The following PARD3B variants were observed in gnomAD, a reference collection of about 807,000 sequenced individuals.
PARD3B encodes the protein par-3 family cell polarity regulator beta.
A neutral mutation model predicts 130.2 loss-of-function variants in PARD3B; 103 were observed. The observed-to-expected ratio is 0.79, with a 90% confidence interval of 0.67 to 0.93. The LOEUF (loss-of-function observed/expected upper bound fraction) is 0.93, where lower values mean the gene tolerates loss of function less well. Ranked by LOEUF, PARD3B falls within the 40% of genes least tolerant of loss-of-function variation. The pLI, the probability that PARD3B is intolerant of heterozygous loss-of-function variation, is 0.00. For synonymous variants in PARD3B, 583 were observed against 553.2 expected, an observed-to-expected ratio of 1.05 and a Z score of -0.76; for missense variants, 1,609 against 1,499.2, an observed-to-expected ratio of 1.07 and a Z score of -1.21.
intron 18 of PARD3B, among the ~76,000 whole-genome samples, chr2:205,330,993 G>T: frequency 6.6e-6 from 1 of 152,038 alleles, no homozygotes; most frequent in Admixed American, 6.6e-5. Context: ...CTTCCTCGAC[G>T]GAAAAGAAAA....
chr2:205,239,082 A>G (rs979525879), intron 15 of PARD3B, among the ~76,000 whole-genome samples: 1 of 151,548 alleles, frequency 6.6e-6, no homozygotes, highest in Non-Finnish European at 1.5e-5. Context: ...GTCTCATCCT[A>G]TGAGGCCTTA....
At chr2:204,551,688 G>A (rs900735894) in intron 1 of PARD3B, among the ~76,000 whole-genome samples, 15 of 152,168 alleles carry the variant, frequency 9.9e-5, no homozygotes, top group Non-Finnish European at 4.4e-5. Flanking sequence ...GGGAGCCACA[G>A]CCCTGATTTG....
chr2:205,163,734 G>A (rs545940660), intron 11 of PARD3B, among the ~76,000 whole-genome samples: 14 of 152,252 alleles, frequency 9.2e-5, no homozygotes, highest in African/African-American at 2.4e-4. Context: ...AGCTCCCAGC[G>A]TGACTAATTT....
chr2:204,995,757 T>G (rs1694118252), intron 3 of PARD3B, among the ~76,000 whole-genome samples: 1 of 103,074 alleles, frequency 9.7e-6, no homozygotes, highest in Non-Finnish European at 1.9e-5. Context: ...TAGTCCCATA[T>G]TTCTTGGAGG....
At chr2:205,172,446 A>G (rs1195442887) in intron 12 of PARD3B, 65 bp downstream of exon 12, 1 of 1,483,220 alleles carries the variant, frequency 6.7e-7, no homozygotes, top group African/African-American at 1.4e-5. Flanking sequence ...GCAGACTTCC[A>G]TTCCTAGTAT....
At chr2:205,583,238 G>A (rs2054060832) in intron 22 of PARD3B, among the ~76,000 whole-genome samples, 1 of 152,232 alleles carries the variant, frequency 6.6e-6, no homozygotes, top group Admixed American at 6.5e-5. Context: ...GCTAAGAATG[G>A]ATGGGAGAAA....
intron 15 of PARD3B, among the ~76,000 whole-genome samples, chr2:205,214,363 A>T (rs985099910): frequency 6.6e-6 from 1 of 152,020 alleles, no homozygotes; most frequent in South Asian, 2.1e-4. Flanking sequence ...ATTGAATTAC[A>T]TTAGTATAGA....
rs79214682 is a variant in PARD3B, at chr2:205,057,660, C to CATATATGTGTATGTGTATACGTATAT, written c.504+9975_504+9976insTGTGTATGTGTATACGTATATATATA. On this transcript the variant is annotated intron_variant, in intron 4 of 22. Coordinates refer to ENST00000406610, the MANE Select transcript of PARD3B (RefSeq NM_001302769.2). ...ACATATATGTGTATGTGTATACGTA[C>CATATATGTGTATGTGTATACGTATAT]ATATACATATATGTGTATGTGTATA... is the stretch of plus-strand genomic sequence containing the variant. Among the ~76,000 whole-genome samples the CATATATGTGTATGTGTATACGTATAT allele has an allele frequency of 6.9e-4, 54 of 77,954 alleles. 8 individuals are homozygous for CATATATGTGTATGTGTATACGTATAT. Among genetic ancestry groups the CATATATGTGTATGTGTATACGTATAT allele is most frequent in the East Asian group, 2.2e-3 (6 of 2,750 alleles). The allele number at this position is 77,954 out of a possible 152,430, so 51.1% of individuals were successfully genotyped here.
chr2:205,028,196 A>G (rs868453083), intron 3 of PARD3B, among the ~76,000 whole-genome samples: 2 of 152,084 alleles, frequency 1.3e-5, no homozygotes, highest in African/African-American at 4.8e-5. Context: ...TTTTTAATCC[A>G]TGAACGTGAG....
At chr2:205,567,957 T>C (rs1232537065) in intron 22 of PARD3B, among the ~76,000 whole-genome samples, 1 of 152,170 alleles carries the variant, frequency 6.6e-6, no homozygotes. Flanking sequence ...TTGCCCCACC[T>C]GGGGGCAAGC....
intron 21 of PARD3B, among the ~76,000 whole-genome samples, chr2:205,539,738 C>G (rs570507938): frequency 6.6e-6 from 1 of 152,280 alleles, no homozygotes; most frequent in Admixed American, 6.5e-5. Context: ...GTTCTCCAGA[C>G]CCGAACCCCA....
At chr2:205,049,940 A>G (rs528466964) in intron 4 of PARD3B, among the ~76,000 whole-genome samples, 7 of 152,236 alleles carry the variant, frequency 4.6e-5, no homozygotes, top group African/African-American at 1.4e-4. Context: ...TTGCCCTTGC[A>G]TGGAATAGTG....
chr2:204,817,089 T>TA (rs2043175210), intron 2 of PARD3B, among the ~76,000 whole-genome samples: 1 of 152,140 alleles, frequency 6.6e-6, no homozygotes, highest in African/African-American at 2.4e-5. Context: ...TTTTTATATA[T>TA]TACATATCTA....
rs956984264 is a variant in PARD3B, at chr2:205,182,508, G to A, written c.1925-3256G>A. On this transcript the variant is annotated intron_variant, in intron 13 of 22. Transcript: ENST00000406610. Reference sequence around the variant, plus strand: ...ACTAGCTAGAGAAGAGACTGTAGAAGACATGGAAAAACGAGAAAGAGGAAC... The same window carrying A: ...ACTAGCTAGAGAAGAGACTGTAGAAAACATGGAAAAACGAGAAAGAGGAAC... Among the ~76,000 whole-genome samples, 4 of 150,884 alleles carry A rather than the reference G, an allele frequency of 2.7e-5. No homozygotes were observed. In the East Asian group the frequency reaches 5.9e-4, roughly 22 times the overall value.
At chr2:205,285,575 A>G (rs1228720724) in intron 16 of PARD3B, among the ~76,000 whole-genome samples, 1 of 151,142 alleles carries the variant, frequency 6.6e-6, no homozygotes, top group African/African-American at 2.4e-5. Flanking sequence ...TCATTCCTAT[A>G]CTCCCAGGCC....
intron 11 of PARD3B, among the ~76,000 whole-genome samples, chr2:205,169,906 G>A (rs1031686930): frequency 6.6e-6 from 1 of 150,878 alleles, no homozygotes; most frequent in Non-Finnish European, 1.5e-5. Flanking sequence ...AAACCATTCA[G>A]GGTGTTTTTG....
At chr2:205,424,982 T>A in intron 19 of PARD3B, among the ~76,000 whole-genome samples, 1 of 152,154 alleles carries the variant, frequency 6.6e-6, no homozygotes, top group East Asian at 1.9e-4. Context: ...TCATTAGCAA[T>A]AAGAATAAAG....
chr2:204,943,182 A>G lies in PARD3B; in HGVS notation c.223-21970A>G, dbSNP rs912759914. On this transcript the variant is annotated intron_variant, in intron 2 of 22. Coordinates refer to ENST00000406610, the MANE Select transcript of PARD3B (RefSeq NM_001302769.2). The surrounding 1 kb of genome is among the most constrained non-coding windows in gnomAD (Gnocchi z 4.2). Reference sequence around the variant, plus strand: ...TGTGTGTGTGTATGTGTATGCATATATATATATGTGTGTGTATATATATAT... The same window carrying G: ...TGTGTGTGTGTATGTGTATGCATATGTATATATGTGTGTGTATATATATAT... Among the ~76,000 whole-genome samples, 7 of 152,034 alleles carry G rather than the reference A, an allele frequency of 4.6e-5. No individual in the cohort carries two copies. The highest frequency in any genetic ancestry group is 2.6e-4 in the Admixed American group (4 of 15,246).
Position 205,585,848 on chromosome 2 carries a change from T to C in PARD3B, c.3261-29608T>C, listed in dbSNP as rs2054178566. ...AAAGCCTTGTCAGCACTGTGGATGA[T>C]AAGTATCCACCCTCCGGCCACAGCA... On this transcript the variant is annotated intron_variant, in intron 22 of 22. Transcript: ENST00000406610. This position sits in a 1 kb window ranked among gnomAD's most constrained non-coding sequence, Gnocchi z 5.4. Among the ~76,000 whole-genome samples the C allele has an allele frequency of 6.6e-6, 1 of 152,062 alleles. No homozygotes were observed. Among genetic ancestry groups the C allele is most frequent in the African/African-American group, 2.4e-5 (1 of 41,412 alleles).
Sources: gnomAD v4.1 joint callset for allele counts (sites outside exome capture counted in the v4.1 genomes callset) on GRCh38, gnomAD v4.1.1 for gene constraint, Gnocchi (gnomAD v3.1) non-coding constraint, MANE v1.5 for transcripts, NCBI Gene and HGNC (gene_info 2026-07-23, HGNC 2026-07-21) for gene names.